Variants in PLEKHG1 observed in about 807,000 individuals in gnomAD.
PLEKHG1 encodes the protein pleckstrin homology and RhoGEF domain containing G1, also known as pleckstrin homology domain-containing family G member 1.
A neutral mutation model predicts 100.8 loss-of-function variants in PLEKHG1; 44 were observed. The observed-to-expected ratio is 0.44, with a 90% CI of 0.34 to 0.56. The LOEUF is 0.56. Among genes scored for constraint, PLEKHG1 ranks in the 20% least tolerant of loss-of-function variants. The probability of loss-of-function intolerance (pLI) is 0.01; values close to 1 mark genes in which losing one functional copy is unlikely to be tolerated. For synonymous variants in PLEKHG1, 640 were observed against 662.5 expected (o/e 0.97, Z 0.52); for missense variants, 1,545 against 1,720.9 (o/e 0.90, Z 1.81).
intron 3 of PLEKHG1, among the ~76,000 whole-genome samples, chr6:150,691,757 T>A (rs982076620): frequency 2.6e-5 from 4 of 152,162 alleles, no homozygotes; most frequent in African/African-American, 9.7e-5. Context: ...TGAGAAGGGG[T>A]CATTGTAAAT....
In PLEKHG1 at chr6:150,795,341, A is replaced by G. The variant is rs564248399; in HGVS notation, c.583-515A>G. Among the ~76,000 whole-genome samples, 812 of 150,758 alleles carry G rather than the reference A, an allele frequency of 5.4e-3. 2 individuals are homozygous for G. Among genetic ancestry groups the G allele is most frequent in the African/African-American group, 0.019 (768 of 40,940 alleles). On this transcript the variant is annotated intron_variant, in intron 4 of 15. Transcript: ENST00000358517. ...GGAGGCAGAGGCAGAGGCTACAGTG[A>G]GCAGAGATTGTGCCACTGCACTCCA...
At chr6:150,811,627 A>G (rs1787536754) in intron 10 of PLEKHG1, among the ~76,000 whole-genome samples, 1 of 146,322 alleles carries the variant, frequency 6.8e-6, no homozygotes, top group African/African-American at 2.5e-5. Flanking sequence ...AGACCTAGAG[A>G]CCTGCATTAA....
intron 2 of PLEKHG1, among the ~76,000 whole-genome samples, chr6:150,749,951 A>G (rs1783399825): frequency 2.0e-5 from 3 of 152,066 alleles, no homozygotes; most frequent in Admixed American, 2.0e-4. Context: ...AGGTACCTGT[A>G]GTCCCAGCTA....
chr6:150,639,742 T>C (rs1466086213), intron 2 of PLEKHG1, among the ~76,000 whole-genome samples: 1 of 152,046 alleles, frequency 6.6e-6, no homozygotes, highest in Non-Finnish European at 1.5e-5. Flanking sequence ...CGTGTAGCTG[T>C]CAGGGTGCAA....
intron 2 of PLEKHG1, among the ~76,000 whole-genome samples, chr6:150,749,733 G>T (rs544863971): frequency 3.3e-5 from 5 of 152,268 alleles, no homozygotes; most frequent in Non-Finnish European, 7.3e-5. Flanking sequence ...AAATTTACTT[G>T]TATTCAGATT....
intron 3 of PLEKHG1, among the ~76,000 whole-genome samples, chr6:150,708,582 T>C (rs1781116685): frequency 1.3e-5 from 2 of 152,230 alleles, no homozygotes; most frequent in South Asian, 4.1e-4. Context: ...TCACCCAATT[T>C]CTATGGAGGC....
chr6:150,691,128 T>C (rs1780336327), intron 3 of PLEKHG1, among the ~76,000 whole-genome samples: 1 of 152,248 alleles, frequency 6.6e-6, no homozygotes, highest in Non-Finnish European at 1.5e-5. Context: ...GTTTGACTTA[T>C]TTCACTTGGT....
chr6:150,756,434 G>A lies in PLEKHG1; in HGVS notation c.412-12204G>A, dbSNP rs992227518. Among the ~76,000 whole-genome samples, 6 of 152,130 alleles carry A rather than the reference G, an allele frequency of 3.9e-5. No homozygotes were observed. In the East Asian group the frequency reaches 5.8e-4, roughly 15 times the overall value. ...CCTCATTGTTTTTGATACAATGAGC[G>A]GAATAACTTAGCCATGAGTTTCCAT... On this transcript the variant is annotated intron_variant, in intron 2 of 15. Transcript: ENST00000358517.
At chr6:150,608,933 T>A (rs1336395024) in intron 1 of PLEKHG1, among the ~76,000 whole-genome samples, 1 of 152,202 alleles carries the variant, frequency 6.6e-6, no homozygotes, top group East Asian at 1.9e-4. Context: ...AAAGGAAGCC[T>A]TTGATAAATA....
intron 3 of PLEKHG1, among the ~76,000 whole-genome samples, chr6:150,783,774 G>A (rs1429758854): frequency 6.6e-6 from 1 of 152,020 alleles, no homozygotes; most frequent in Non-Finnish European, 1.5e-5. Context: ...TGTTTTGTTT[G>A]CCACATTAGA....
chr6:150,789,832 T>C (rs1352865399), intron 4 of PLEKHG1, among the ~76,000 whole-genome samples: 2 of 152,222 alleles, frequency 1.3e-5, no homozygotes, highest in East Asian at 3.9e-4. Flanking sequence ...CACTCTGGCA[T>C]TTTCATCCAT....
At chr6:150,828,328 T>C (rs1000789237) in intron 14 of PLEKHG1, 3 of 1,611,540 alleles carry the variant, frequency 1.9e-6, no homozygotes, top group Non-Finnish European at 1.7e-6. Flanking sequence ...CGTGTTGCTC[T>C]CCTCAGTGCG....
At chr6:150,773,110 A>C (rs10080991) in intron 3 of PLEKHG1, among the ~76,000 whole-genome samples, 6 of 151,840 alleles carry the variant, frequency 4.0e-5, no homozygotes, top group Non-Finnish European at 8.8e-5. Flanking sequence ...AATATACTCT[A>C]TTTTTTTCTA....
intron 15 of PLEKHG1, among the ~76,000 whole-genome samples, chr6:150,834,792 C>A (rs1777139738): frequency 6.6e-6 from 1 of 152,170 alleles, no homozygotes; most frequent in African/African-American, 2.4e-5. Context: ...AGGAGGAAAT[C>A]TCTCCCGAGT....
At chr6:150,709,067 C>T (rs1435277949) in intron 3 of PLEKHG1, among the ~76,000 whole-genome samples, 1 of 152,198 alleles carries the variant, frequency 6.6e-6, no homozygotes, top group Non-Finnish European at 1.5e-5. Context: ...GGCGCGGTGG[C>T]TCATGCCTGT....
chr6:150,701,455 ATATATATAT>A lies in PLEKHG1; in HGVS notation c.-98-32128_-98-32120del, dbSNP rs1312869143. Among the ~76,000 whole-genome samples the A allele has an allele frequency of 1.8e-4, 15 of 84,652 alleles. No homozygotes were observed. In the African/African-American group the frequency reaches 1.8e-3, roughly 10 times the overall value. 55.5% of individuals were successfully genotyped at this position (84,652 alleles called of 152,430 possible). A position where few individuals can be genotyped will look rare whatever the true frequency, so the allele number is the denominator to read the frequency against. ...TATATATATATATATATATATATAT[ATATATATAT>A]ATAATTATACTTTAAGTTCTAGGGT... is the stretch of plus-strand genomic sequence containing the variant. On this transcript the variant is annotated intron_variant, in intron 3 of 3. Coordinates refer to the PLEKHG1 transcript ENST00000367326.
chr6:150,754,144 T>C (rs974782535), intron 2 of PLEKHG1, among the ~76,000 whole-genome samples: 1 of 152,176 alleles, frequency 6.6e-6, no homozygotes, highest in Non-Finnish European at 1.5e-5. Flanking sequence ...AGAGGAGGAT[T>C]CCTGGGAAGA....
At chr6:150,682,594 T>C (rs768056550) in intron 3 of PLEKHG1, among the ~76,000 whole-genome samples, 1 of 152,010 alleles carries the variant, frequency 6.6e-6, no homozygotes, top group Non-Finnish European at 1.5e-5. Flanking sequence ...ACATCGGAGA[T>C]TGTGTCTCAT....
At chr6:150,795,979 G>A in intron 5 of PLEKHG1, 77 bp downstream of exon 6, 1 of 899,680 alleles carries the variant, frequency 1.1e-6, no homozygotes. Flanking sequence ...AGTACACATG[G>A]TTGTTAGGCA....
Sources: allele counts gnomAD v4.1 joint callset (sites outside exome capture counted in the v4.1 genomes callset), GRCh38; gene constraint gnomAD v4.1.1; transcripts MANE v1.5; gene names NCBI Gene and HGNC (gene_info 2026-07-23, HGNC 2026-07-21).